ULK4: variants seen among roughly 807,000 people sequenced by gnomAD.
ULK4 encodes unc-51 like kinase 4.
In ULK4, 133 loss-of-function variants were observed where a neutral mutation model predicts 160.6. That is an observed-to-expected ratio of 0.83 (90% CI 0.72 to 0.96). ULK4 has a LOEUF of 0.96. Among genes scored for constraint, ULK4 ranks in the 40% least tolerant of loss-of-function variants. The pLI is 0.00. For missense variants in ULK4, 1,580 were observed against 1,499.5 expected (o/e 1.05, Z -0.89); for synonymous variants, 534 against 539.8 (o/e 0.99, Z 0.15).
intron 32 of ULK4, among the ~76,000 whole-genome samples, chr3:41,482,073 C>T (rs1444683112): frequency 6.6e-6 from 1 of 152,060 alleles, no homozygotes; most frequent in Non-Finnish European, 1.5e-5. Flanking sequence ...TATTCTTTCA[C>T]CACTTTACTT....
At chr3:41,925,578 G>A (rs1166098480) in intron 5 of ULK4, among the ~76,000 whole-genome samples, 1 of 152,176 alleles carries the variant, frequency 6.6e-6, no homozygotes, top group Non-Finnish European at 1.5e-5. Flanking sequence ...TGGAAAGGGG[G>A]CCAAAGCCAG....
chr3:41,846,337 T>C (rs2042069327), intron 17 of ULK4, among the ~76,000 whole-genome samples: 6 of 152,170 alleles, frequency 3.9e-5, no homozygotes, highest in African/African-American at 1.2e-4. Flanking sequence ...AATGTATCTG[T>C]TGACCTAGGT....
Position 41,398,246 on chromosome 3 carries a change from C to T in ULK4, c.3511G>A (p.Glu1171Lys), listed in dbSNP as rs998654150. ...LIPLLPNEDP[E>K]IFDVSSKCLS... ...CACTTGGATGAAACATCAAAAATCTCAGGATCTTCATTAGGAAGCTGAAAA... is the reference window on the plus strand; with the variant it reads ...CACTTGGATGAAACATCAAAAATCTTAGGATCTTCATTAGGAAGCTGAAAA... The change falls in exon 35 of 37, where the codon GAG becomes AAG. Residue 1171 changes from glutamate to lysine, a missense_variant. Physicochemically the swap from Glu to Lys is moderately conservative, Grantham distance 56. Transcript: ENST00000301831. 6 of 1,612,538 alleles carry T rather than the reference C, an allele frequency of 3.7e-6. No individual in the cohort carries two copies. Among genetic ancestry groups the T allele is most frequent in the Non-Finnish European group, 5.1e-6 (6 of 1,179,474 alleles).
chr3:41,909,593 T>TA (rs1236240422), intron 11 of ULK4, among the ~76,000 whole-genome samples: 1 of 151,844 alleles, frequency 6.6e-6, no homozygotes. Flanking sequence ...CACAGGCCTG[T>TA]AATCCCAACC....
chr3:41,384,316 G>GA lies in ULK4; in HGVS notation c.3678+13762dup, dbSNP rs750745700. On this transcript the variant is annotated intron_variant, in intron 35 of 36. Transcript: ENST00000301831. ...CTTTTCAAAAAGTCAATTTCATATG[G>GA]AAAAAAAAAAGATTCTTCTAGATTA... Among the ~76,000 whole-genome samples, 93 of 145,564 alleles carry GA rather than the reference G, an allele frequency of 6.4e-4. No individual in the cohort carries two copies. In the East Asian group the frequency reaches 9.6e-3, roughly 15 times the overall value.
intron 33 of ULK4, among the ~76,000 whole-genome samples, chr3:41,460,852 G>A (rs1450397029): frequency 6.6e-6 from 1 of 152,056 alleles, no homozygotes; most frequent in Non-Finnish European, 1.5e-5. Flanking sequence ...GCAGAGTGGT[G>A]ACCACATCTA....
chr3:41,316,867 T>TA (rs1405872412), intron 35 of ULK4, among the ~76,000 whole-genome samples: 2 of 152,214 alleles, frequency 1.3e-5, no homozygotes, highest in East Asian at 3.8e-4. Flanking sequence ...GTCTGACATA[T>TA]AATGGGCACT....
chr3:41,931,864 C>T lies in ULK4; in HGVS notation c.521G>A (p.Ser174Asn). 6.2e-7 allele frequency: 1 copy of T among 1,614,030 alleles called. No homozygotes were observed. The highest frequency in any genetic ancestry group is 1.7e-5 in the Admixed American group (1 of 60,004). Residue 174 changes from serine to asparagine, a missense_variant, in exon 5 of 37, where the codon AGC (serine) becomes AAC (asparagine). By Grantham distance (46) the Ser-to-Asn change is conservative (BLOSUM62 1). Coordinates refer to ENST00000301831, the MANE Select transcript of ULK4 (RefSeq NM_017886.4). Reference protein sequence around the residue: ...GDNGENVLKKSMKSRVKGSPV... With the variant: ...GDNGENVLKKNMKSRVKGSPV... ...CATACCTTTGACTCTACTTTTCATG[C>T]TTTTCTTCAGGACATTTTCCCCATT...
At position 41,901,896 on chromosome 3, in the gene ULK4, C is replaced by T. The variant is rs6770092; in HGVS notation, c.1183-1067G>A. Among the ~76,000 whole-genome samples, 475 of 152,218 alleles carry T rather than the reference C, an allele frequency of 3.1e-3. 1 individual carries two copies. The highest frequency in any genetic ancestry group is 0.011 in the African/African-American group (451 of 41,542). Reference sequence around the variant, plus strand: ...ATTTTCAGACTTAAATACAGACATGCTACCTAAGTATTAAACCTCAATTAT... The same window carrying T: ...ATTTTCAGACTTAAATACAGACATGTTACCTAAGTATTAAACCTCAATTAT... On this transcript the variant is annotated intron_variant, in intron 12 of 36. Transcript: ENST00000301831.
chr3:41,864,129 G>C (rs2042564907), intron 17 of ULK4, among the ~76,000 whole-genome samples: 1 of 152,028 alleles, frequency 6.6e-6, no homozygotes, highest in South Asian at 2.1e-4. Context: ...CCACCATTGG[G>C]ATGAGTGACT....
chr3:41,519,836 T>C (rs2085872605), intron 32 of ULK4, among the ~76,000 whole-genome samples: 1 of 152,232 alleles, frequency 6.6e-6, no homozygotes, highest in Admixed American at 6.5e-5. Context: ...AAGTTGCATA[T>C]GTATCAACTT....
At chr3:41,502,522 CACA>C (rs1292637639) in intron 32 of ULK4, among the ~76,000 whole-genome samples, 2 of 152,106 alleles carry the variant, frequency 1.3e-5, no homozygotes, top group African/African-American at 4.8e-5. Flanking sequence ...AATCTTTATT[CACA>C]ACAATATATA....
chr3:41,791,574 C>T (rs1344993166), intron 20 of ULK4, among the ~76,000 whole-genome samples: 1 of 152,160 alleles, frequency 6.6e-6, no homozygotes, highest in Non-Finnish European at 1.5e-5. Flanking sequence ...GGAATGGGGC[C>T]ACGAAGAACC....
intron 30 of ULK4, among the ~76,000 whole-genome samples, chr3:41,625,419 T>C (rs1316114184): frequency 1.3e-5 from 2 of 152,170 alleles, no homozygotes; most frequent in African/African-American, 4.8e-5. Context: ...CACACAAGCA[T>C]AGGTCCAATT....
chr3:41,627,632 T>C (rs6775563), intron 30 of ULK4, among the ~76,000 whole-genome samples: 9,360 of 152,304 alleles, frequency 0.061, 977 homozygotes, highest in African/African-American at 0.21. Context: ...ATGATTAACA[T>C]TACTGAGCTC....
intron 35 of ULK4, among the ~76,000 whole-genome samples, chr3:41,323,273 C>T (rs955458325): frequency 5.3e-5 from 8 of 151,868 alleles, no homozygotes; most frequent in Admixed American, 1.3e-4. Context: ...CATACACACA[C>T]ACGTCAAAGG....
At chr3:41,757,691 T>C (rs554833365) in intron 21 of ULK4, among the ~76,000 whole-genome samples, 1 of 144,894 alleles carries the variant, frequency 6.9e-6, no homozygotes, top group African/African-American at 2.6e-5. Context: ...TGGAGTGCAG[T>C]GGTGCAATCT....
intron 30 of ULK4, among the ~76,000 whole-genome samples, chr3:41,619,214 A>G (rs1160629606): frequency 6.6e-6 from 1 of 151,690 alleles, no homozygotes; most frequent in Non-Finnish European, 1.5e-5. Flanking sequence ...ATATTAGACC[A>G]ACGAGACAAA....
At chr3:41,909,359 A>G (rs1207423806) in intron 11 of ULK4, among the ~76,000 whole-genome samples, 1 of 152,174 alleles carries the variant, frequency 6.6e-6, no homozygotes, top group Non-Finnish European at 1.5e-5. Flanking sequence ...ATACTTACAT[A>G]GCACATAAAA....
Sources: allele counts gnomAD v4.1 joint callset (sites outside exome capture counted in the v4.1 genomes callset), GRCh38; gene constraint gnomAD v4.1.1; transcripts MANE v1.5; gene names NCBI Gene and HGNC (gene_info 2026-07-23, HGNC 2026-07-21).